ZNF525: variants seen among roughly 807,000 people sequenced by gnomAD.
ZNF525 encodes zinc finger protein 525.
Under a neutral mutation model 37.6 loss-of-function variants are expected in ZNF525, and 33 were observed. That is an observed-to-expected ratio of 0.88 (90% confidence interval 0.67 to 1.17). The LOEUF (loss-of-function observed/expected upper bound fraction) is 1.17. Among genes scored for constraint, ZNF525 ranks in the 50% most tolerant of loss-of-function variants. The pLI is 0.00. For synonymous variants in ZNF525, 170 were observed against 182.3 expected (o/e 0.93, Z 0.54); for missense variants, 449 against 543.1 (o/e 0.83, Z 1.72).
At chr19:53,378,496 C>T (rs1409907653) in intron 3 of ZNF525, among the ~76,000 whole-genome samples, 1 of 152,116 alleles carries the variant, frequency 6.6e-6, no homozygotes, top group Non-Finnish European at 1.5e-5. Context: ...CGTGCCACTA[C>T]ACTCCAGCCT....
chr19:53,377,684 A>T (rs935234078), intron 3 of ZNF525, among the ~76,000 whole-genome samples: 1 of 151,470 alleles, frequency 6.6e-6, no homozygotes, highest in Admixed American at 6.6e-5. Context: ...TTTCCCAAGT[A>T]GCTGGGACTA....
Position 53,383,185 on chromosome 19 carries a change from C to A in ZNF525, c.*1166C>A, listed in dbSNP as rs556236723. 1.5e-6 allele frequency: 2 copies of A among 1,372,872 alleles called. No individual in the cohort carries two copies. Among genetic ancestry groups the A allele is most frequent in the Admixed American group, 1.8e-5 (1 of 56,560 alleles). The allele number at this position is 1,372,872 out of a possible 1,614,324, so 85.0% of individuals were successfully genotyped here. ...ATGAGTGTGGCAAGACCTACTCTCA[C>A]AATTCAGTCCTTGTAATTCATAAGA... On this transcript the variant is annotated 3_prime_UTR_variant, in exon 4 of 4. Coordinates refer to ENST00000474037, the MANE Select transcript of ZNF525 (RefSeq NM_001348156.2).
intron 3 of ZNF525, among the ~76,000 whole-genome samples, chr19:53,378,985 T>G (rs2085540911): frequency 6.6e-6 from 1 of 152,202 alleles, no homozygotes; most frequent in African/African-American, 2.4e-5. Flanking sequence ...CATTCTATGT[T>G]TTATATTTTA....
intron 2 of ZNF525, among the ~76,000 whole-genome samples, chr19:53,375,303 G>A (rs746949195): frequency 2.6e-4 from 39 of 152,082 alleles, no homozygotes; most frequent in Non-Finnish European, 2.4e-4. Context: ...AAGTTTCTGC[G>A]CCAGGCAGGG....
intron 2 of ZNF525, among the ~76,000 whole-genome samples, chr19:53,375,255 C>T (rs1015068592): frequency 1.8e-4 from 27 of 152,218 alleles, no homozygotes; most frequent in African/African-American, 6.5e-4. Flanking sequence ...CATACTCTGT[C>T]TCATCTAGAT....
At chr19:53,367,009 G>A (rs2085452867) in intron 1 of ZNF525, among the ~76,000 whole-genome samples, 1 of 152,138 alleles carries the variant, frequency 6.6e-6, no homozygotes, top group Admixed American at 6.5e-5. Context: ...AAGCAGAGTA[G>A]AAGCAGTTAA....
intron 1 of ZNF525, among the ~76,000 whole-genome samples, chr19:53,367,312 C>T (rs1177623961): frequency 3.4e-5 from 2 of 59,110 alleles, no homozygotes; most frequent in African/African-American, 5.0e-5. Context: ...TGAATGAATA[C>T]ATTTTTTTTT....
chr19:53,379,101 G>A (rs1046911476), intron 3 of ZNF525, among the ~76,000 whole-genome samples: 27 of 151,134 alleles, frequency 1.8e-4, no homozygotes, highest in African/African-American at 5.1e-4. Flanking sequence ...TGCACCCTCC[G>A]GCACTATTAG....
intron 2 of ZNF525, among the ~76,000 whole-genome samples, chr19:53,374,144 A>G (rs1205343635): frequency 1.3e-5 from 2 of 152,092 alleles, no homozygotes; most frequent in Admixed American, 6.5e-5. Flanking sequence ...CGGCCTCCCA[A>G]ACAGCTGGGA....
At chr19:53,372,107 G>A (rs1278665814) in intron 1 of ZNF525, 108 bp from the exon 2 acceptor site, 1 of 500,224 alleles carries the variant, frequency 2.0e-6, no homozygotes, top group Non-Finnish European at 3.6e-6. Flanking sequence ...GAGGGCAGTA[G>A]AGGGGACTGT....
chr19:53,376,441 C>T, intron 3 of ZNF525: 1 of 589,114 alleles, frequency 1.7e-6, no homozygotes, highest in South Asian at 2.1e-5. Context: ...ATCTGTATTT[C>T]TTGATTTTTT....
chr19:53,383,250 G>A lies in ZNF525; in HGVS notation c.*1231G>A, dbSNP rs1257997307. 9 of 1,429,472 alleles carry A rather than the reference G, an allele frequency of 6.3e-6. No individual in the cohort carries two copies. The highest frequency in any genetic ancestry group is 8.6e-6 in the Non-Finnish European group (9 of 1,040,736). 88.5% of individuals were successfully genotyped at this position (1,429,472 alleles called of 1,614,324 possible). ...GAGAAACCTTACAAGTGTAATGAGTGTGGCAAAACCTTCCATCACAATTCA... is the reference window on the plus strand; with the variant it reads ...GAGAAACCTTACAAGTGTAATGAGTATGGCAAAACCTTCCATCACAATTCA... On this transcript the variant is annotated 3_prime_UTR_variant, in exon 4 of 4. Coordinates refer to ENST00000474037, the MANE Select transcript of ZNF525 (RefSeq NM_001348156.2).
At position 53,384,689 on chromosome 19, in the gene ZNF525, GT is replaced by G; in HGVS notation, c.*2672del. ...GTTTGTTAGTTCCAGTACTATTTTG[GT>G]TGAGTCTGTGATTTTCTACACAGAA... On this transcript the variant is annotated 3_prime_UTR_variant, in exon 4 of 4. Coordinates refer to ENST00000474037, the MANE Select transcript of ZNF525 (RefSeq NM_001348156.2). 2 of 341,606 alleles carry G rather than the reference GT, an allele frequency of 5.9e-6. No individual in the cohort carries two copies. Among genetic ancestry groups the G allele is most frequent in the South Asian group, 1.1e-4 (2 of 18,912 alleles). The allele number at this position is 341,606 out of a possible 1,614,324, so 21.2% of individuals were successfully genotyped here. A position where few individuals can be genotyped will look rare whatever the true frequency, so the allele number is the denominator to read the frequency against.
At chr19:53,371,743 G>A (rs1454154092) in intron 1 of ZNF525, among the ~76,000 whole-genome samples, 2 of 152,144 alleles carry the variant, frequency 1.3e-5, no homozygotes, top group East Asian at 3.9e-4. Context: ...GAGCTCAAGT[G>A]ATTCTCCCAC....
In ZNF525 at chr19:53,382,684, T is replaced by C; in HGVS notation, c.*665T>C. 1.4e-6 allele frequency: 1 copy of C among 740,054 alleles called. No individual in the cohort carries two copies. The highest frequency in any genetic ancestry group is 2.7e-5 in the East Asian group (1 of 36,988). 45.8% of individuals were successfully genotyped at this position (740,054 alleles called of 1,614,324 possible). ...ATTGTCACCACGTCTTCAGTAATGCTACAACTATTGCAAATCATTGGAGAA... is the reference window on the plus strand; with the variant it reads ...ATTGTCACCACGTCTTCAGTAATGCCACAACTATTGCAAATCATTGGAGAA... On this transcript the variant is annotated 3_prime_UTR_variant, in exon 4 of 4. Transcript: ENST00000474037.
chr19:53,372,522 A>C (rs1421204508), intron 2 of ZNF525: 1 of 909,522 alleles, frequency 1.1e-6, no homozygotes. Context: ...AAGGGCTCAC[A>C]ACCAGACATG....
chr19:53,376,719 C>T (rs1392390491), intron 3 of ZNF525, among the ~76,000 whole-genome samples: 2 of 152,186 alleles, frequency 1.3e-5, no homozygotes, highest in African/African-American at 4.8e-5. Context: ...CCTGTAATCC[C>T]AGCACTTTGG....
intron 3 of ZNF525, among the ~76,000 whole-genome samples, chr19:53,377,883 T>A (rs911287001): frequency 1.6e-4 from 24 of 152,176 alleles, no homozygotes; most frequent in African/African-American, 5.8e-4. Flanking sequence ...TTAAAACATG[T>A]TATTGCTATT....
At chr19:53,373,262 T>C (rs1015793572) in intron 2 of ZNF525, among the ~76,000 whole-genome samples, 1 of 151,964 alleles carries the variant, frequency 6.6e-6, no homozygotes, top group Non-Finnish European at 1.5e-5. Flanking sequence ...CAAGCTAATT[T>C]TGTTGTATTT....
Sources: allele counts gnomAD v4.1 joint callset (sites outside exome capture counted in the v4.1 genomes callset), GRCh38; gene constraint gnomAD v4.1.1; transcripts MANE v1.5; gene names NCBI Gene and HGNC (gene_info 2026-07-23, HGNC 2026-07-21).